The following EPB41L2 variants were observed in gnomAD, a reference collection of about 807,000 sequenced individuals.
EPB41L2 encodes the protein erythrocyte membrane protein band 4.1 like 2.
Under a neutral mutation model 113.0 loss-of-function variants are expected in EPB41L2, and 43 were observed. The observed-to-expected ratio is 0.38, with a 90% confidence interval of 0.30 to 0.49. EPB41L2 has a LOEUF of 0.49. Among genes scored for constraint, EPB41L2 ranks in the 20% least tolerant of loss-of-function variants. The pLI is 0.95. For synonymous variants in EPB41L2, 442 were observed against 436.7 expected (o/e 1.01, Z -0.15); for missense variants, 1,147 against 1,223.4 (o/e 0.94, Z 0.93).
intron 19 of EPB41L2, 44 bp downstream of exon 19, chr6:130,858,087 A>G: frequency 3.6e-6 from 5 of 1,405,808 alleles, no homozygotes; most frequent in Non-Finnish European, 5.0e-6. Flanking sequence ...TCAGGAGTAC[A>G]GAGCAGTCAC....
intron 16 of EPB41L2, 158 bp from the exon 17 acceptor site, chr6:130,865,792 C>T: frequency 4.4e-6 from 3 of 683,348 alleles, no homozygotes; most frequent in South Asian, 4.0e-5. Context: ...GTATTTGAAA[C>T]CGAGTAGAGG....
intron 11 of EPB41L2, among the ~76,000 whole-genome samples, chr6:130,886,370 C>T (rs542679790): frequency 1.3e-5 from 2 of 152,280 alleles, no homozygotes; most frequent in South Asian, 4.1e-4. Context: ...CTCATATTTG[C>T]TCCCATTTGC....
At chr6:130,991,469 G>A (rs1781847942) in intron 1 of EPB41L2, among the ~76,000 whole-genome samples, 1 of 152,176 alleles carries the variant, frequency 6.6e-6, no homozygotes. Flanking sequence ...TGATACAGTA[G>A]AAAGGTCTTA....
chr6:131,035,971 C>CA (rs1420081421), intron 1 of EPB41L2, among the ~76,000 whole-genome samples: 2 of 152,144 alleles, frequency 1.3e-5, no homozygotes, highest in African/African-American at 4.8e-5. Flanking sequence ...GGTCAAATCT[C>CA]AGTTACATCT....
intron 15 of EPB41L2, among the ~76,000 whole-genome samples, chr6:130,869,340 G>C (rs2128446738): frequency 6.6e-6 from 1 of 152,286 alleles, no homozygotes; most frequent in East Asian, 1.9e-4. Context: ...TTCTAGGAAA[G>C]TTTACCCTAC....
rs148079090 is a variant in EPB41L2, at chr6:131,040,558, A to G, written c.-15+22597T>C. Reference sequence around the variant, plus strand: ...AGAGATAACTGATTCAGGTAAAATCACCAATGGATACTAACACTATTATGT... The same window carrying G: ...AGAGATAACTGATTCAGGTAAAATCGCCAATGGATACTAACACTATTATGT... On this transcript the variant is annotated intron_variant, in intron 1 of 19. Coordinates refer to ENST00000337057, the MANE Select transcript of EPB41L2 (RefSeq NM_001431.4). Among the ~76,000 whole-genome samples, 457 of 152,320 alleles carry G rather than the reference A, an allele frequency of 3.0e-3. 2 individuals carry two copies. Among genetic ancestry groups the G allele is most frequent in the African/African-American group, 0.01 (435 of 41,568 alleles).
intron 1 of EPB41L2, among the ~76,000 whole-genome samples, chr6:130,987,005 G>A (rs1418400624): frequency 6.6e-6 from 1 of 151,970 alleles, no homozygotes; most frequent in Non-Finnish European, 1.5e-5. Context: ...TTTTGTGTCT[G>A]GTTTCTTTCA....
At chr6:130,939,189 T>C (rs867177917) in intron 3 of EPB41L2, among the ~76,000 whole-genome samples, 1 of 151,878 alleles carries the variant, frequency 6.6e-6, no homozygotes. Context: ...AAACTATATA[T>C]AATAAATAGT....
chr6:130,938,241 A>G (rs375665509), intron 3 of EPB41L2, among the ~76,000 whole-genome samples: 2 of 152,340 alleles, frequency 1.3e-5, no homozygotes, highest in South Asian at 4.1e-4. Context: ...ATCTAGGGAA[A>G]AATCCACTTC....
At position 130,927,690 on chromosome 6, in the gene EPB41L2, A is replaced by AT. The variant is rs1422511998; in HGVS notation, c.706-982dup. 3.3e-5 allele frequency among the ~76,000 whole-genome samples: 5 copies of AT among 152,320 alleles called. No homozygotes were observed. In the East Asian group the frequency reaches 5.8e-4, roughly 18 times the overall value. Reference sequence around the variant, plus strand: ...TGTATCTTGAGGAGGAGAATCTGGTATTTTTATTATTAAGCCTCTTATGGT... The same window carrying AT: ...TGTATCTTGAGGAGGAGAATCTGGTATTTTTTATTATTAAGCCTCTTATGGT... On this transcript the variant is annotated intron_variant, in intron 3 of 19. Coordinates refer to ENST00000337057, the MANE Select transcript of EPB41L2 (RefSeq NM_001431.4).
At chr6:130,887,151 T>C (rs1791300766) in intron 11 of EPB41L2, among the ~76,000 whole-genome samples, 1 of 152,220 alleles carries the variant, frequency 6.6e-6, no homozygotes, top group Non-Finnish European at 1.5e-5. Context: ...GTTATTAAAG[T>C]TGACAAAATG....
At chr6:130,993,036 T>A (rs1254722947) in intron 1 of EPB41L2, among the ~76,000 whole-genome samples, 1 of 152,192 alleles carries the variant, frequency 6.6e-6, no homozygotes, top group Non-Finnish European at 1.5e-5. Context: ...ACAAATTTAT[T>A]TCATAATAAG....
chr6:130,961,792 A>C (rs887905561), intron 1 of EPB41L2, among the ~76,000 whole-genome samples: 5 of 152,226 alleles, frequency 3.3e-5, no homozygotes, highest in African/African-American at 9.6e-5. Context: ...ATTTCTACCA[A>C]GAGAGCTCAA....
intron 1 of EPB41L2, among the ~76,000 whole-genome samples, chr6:131,030,234 G>A (rs1042199911): frequency 6.6e-6 from 1 of 152,176 alleles, no homozygotes; most frequent in Non-Finnish European, 1.5e-5. Context: ...CTCATAGCAC[G>A]ACATGGCCAG....
At chr6:130,878,919 T>C (rs9285469) in intron 13 of EPB41L2, among the ~76,000 whole-genome samples, 3,942 of 152,296 alleles carry the variant, frequency 0.026, 202 homozygotes, top group African/African-American at 0.09. Flanking sequence ...ACTGGTCTCA[T>C]GTACTTGCCA....
rs71030727 is a variant in EPB41L2, at chr6:131,053,434, TAAAAAAAAAA to T, written c.-15+9711_-15+9720del. Among the ~76,000 whole-genome samples, 178 of 88,878 alleles carry T rather than the reference TAAAAAAAAAA, an allele frequency of 2.0e-3. 1 individual carries two copies. Among genetic ancestry groups the T allele is most frequent in the African/African-American group, 7.4e-3 (173 of 23,518 alleles). The allele number at this position is 88,878 out of a possible 152,430, so 58.3% of individuals were successfully genotyped here. On this transcript the variant is annotated intron_variant, in intron 1 of 19. Transcript: ENST00000337057. ...GACGAAGGGACGAACATGGAAATGA[TAAAAAAAAAA>T]AAAAAAAAAAAAAAAGAAACTGTTT...
chr6:131,021,388 T>C (rs982258308), intron 1 of EPB41L2, among the ~76,000 whole-genome samples: 5 of 151,936 alleles, frequency 3.3e-5, no homozygotes, highest in Non-Finnish European at 5.9e-5. Context: ...TCCCAGTTGA[T>C]ACAAAACAAA....
chr6:131,036,232 T>C (rs1396534076), intron 1 of EPB41L2, among the ~76,000 whole-genome samples: 1 of 152,104 alleles, frequency 6.6e-6, no homozygotes, highest in Non-Finnish European at 1.5e-5. Flanking sequence ...TATGGAATGT[T>C]GTAAAATTCT....
chr6:130,960,952 G>T (rs1459131771), intron 1 of EPB41L2, among the ~76,000 whole-genome samples: 4 of 152,182 alleles, frequency 2.6e-5, no homozygotes, highest in Non-Finnish European at 4.4e-5. Context: ...CACATAATAG[G>T]TATCTATTAA....
Sources: gnomAD v4.1 joint callset for allele counts (sites outside exome capture counted in the v4.1 genomes callset) on GRCh38, gnomAD v4.1.1 for gene constraint, MANE v1.5 for transcripts, NCBI Gene and HGNC (gene_info 2026-07-23, HGNC 2026-07-21) for gene names.